CLOCK: variants seen among roughly 807,000 people sequenced by gnomAD.
The protein encoded by CLOCK is clock circadian regulator.
Under a neutral mutation model 118.4 loss-of-function variants are expected in CLOCK, and 43 were observed. The observed-to-expected ratio is 0.36, with a 90% CI of 0.28 to 0.47. CLOCK has a LOEUF of 0.47. CLOCK is among the 20% of genes least tolerant of loss of function. The probability of loss-of-function intolerance (pLI) is 1.00; values close to 1 mark genes in which losing one functional copy is unlikely to be tolerated. For synonymous variants in CLOCK, 326 were observed against 339.2 expected (o/e 0.96, Z 0.43); for missense variants, 846 against 999.9 (o/e 0.85, Z 2.08).
intron 1 of CLOCK, among the ~76,000 whole-genome samples, chr4:55,543,951 T>C (rs1731445688): frequency 6.6e-6 from 1 of 152,110 alleles, no homozygotes; most frequent in Non-Finnish European, 1.5e-5. Context: ...ATACTGGTAA[T>C]ATTACAAAAA....
intron 3 of CLOCK, among the ~76,000 whole-genome samples, chr4:55,488,759 A>G (rs192086458): frequency 9.3e-4 from 141 of 152,282 alleles, no homozygotes; most frequent in African/African-American, 3.2e-3. Flanking sequence ...CACGTAAGAC[A>G]AGGTCTCACT....
At chr4:55,488,882 G>T (rs1160076447) in intron 3 of CLOCK, among the ~76,000 whole-genome samples, 1 of 152,024 alleles carries the variant, frequency 6.6e-6, no homozygotes, top group East Asian at 1.9e-4. Context: ...ACAGGCATAC[G>T]TCATCATGCC....
intron 15 of CLOCK, among the ~76,000 whole-genome samples, chr4:55,451,924 A>G (rs1305907316): frequency 5.3e-5 from 8 of 152,220 alleles, no homozygotes; most frequent in Admixed American, 3.3e-4. Flanking sequence ...AAGGTACTTT[A>G]TAACATTTGT....
intron 1 of CLOCK, among the ~76,000 whole-genome samples, chr4:55,511,008 A>G (rs1480804009): frequency 6.6e-6 from 1 of 152,190 alleles, no homozygotes; most frequent in Non-Finnish European, 1.5e-5. Context: ...CAGGAAACTA[A>G]AAGTTCCTAG....
intron 3 of CLOCK, among the ~76,000 whole-genome samples, chr4:55,485,934 C>A (rs1483896523): frequency 6.6e-6 from 1 of 152,108 alleles, no homozygotes; most frequent in East Asian, 1.9e-4. Context: ...AGTTCCCCAA[C>A]TATAAAGGAT....
chr4:55,525,888 AAAT>A (rs955058492), intron 1 of CLOCK, among the ~76,000 whole-genome samples: 1 of 147,026 alleles, frequency 6.8e-6, no homozygotes. Flanking sequence ...AAAAAAAAAA[AAAT>A]TCCAGTGTGT....
chr4:55,435,513 G>C lies in CLOCK; in HGVS notation c.2443C>G (p.Gln815Glu). The C allele has an allele frequency of 6.2e-7, 1 of 1,614,098 alleles. No individual in the cohort carries two copies. The highest frequency in any genetic ancestry group is 8.5e-7 in the Non-Finnish European group (1 of 1,179,952). The change falls in exon 23 of 23, where the codon CAG becomes GAG. Residue 815 changes from glutamine to glutamate, a missense_variant. Transcript: ENST00000513440. ...AFPLQQSTFP[Q>E]SHHQQHQSQQ... ...GACTGATGTTGCTGGTGATGTGACT[G>C]AGGGAAGGTGCTCTGTTGTAGAGGA...
In CLOCK at chr4:55,443,774, G is replaced by A; in HGVS notation, c.1815C>T (p.Asn605=). Residue 605 remains asparagine (N), a synonymous_variant, in exon 20 of 23, where the codon AAC becomes AAT. Coordinates refer to ENST00000513440, the MANE Select transcript of CLOCK (RefSeq NM_004898.4). ...INMQGQVVPT[N]QIQSGMNTGH... ...CAGTATTCATTCCACTTTGAATCTG[G>A]TTAGTAGGAACAACTTGGCCTTGCA... The A allele has an allele frequency of 6.2e-7, 1 of 1,614,090 alleles. No homozygotes were observed. Among genetic ancestry groups the A allele is most frequent in the Non-Finnish European group, 8.5e-7 (1 of 1,179,974 alleles).
At position 55,510,056 on chromosome 4, in the gene CLOCK, A is replaced by G. The variant is rs1283950950; in HGVS notation, c.-280T>C. On this transcript the variant is annotated 5_prime_UTR_variant, in exon 2 of 23. Transcript: ENST00000513440. ...GAGCTCCAGCAGCTTTGCAGGAACA[A>G]GTAAAAATTCTGCAAAGAAACAGTA... 1.3e-5 allele frequency: 2 copies of G among 152,250 alleles called. No individual in the cohort carries two copies. The highest frequency in any genetic ancestry group is 2.9e-5 in the Non-Finnish European group (2 of 68,042). The allele number at this position is 152,250 out of a possible 1,614,324, so 9.4% of individuals were successfully genotyped here. A position where few individuals can be genotyped will look rare whatever the true frequency, so the allele number is the denominator to read the frequency against.
At chr4:55,438,677 T>C in intron 21 of CLOCK, 140 bp from the exon 22 acceptor site, 1 of 1,282,668 alleles carries the variant, frequency 7.8e-7, no homozygotes, top group Non-Finnish European at 1.1e-6. Flanking sequence ...ATTCCTACTT[T>C]GTTTCATTTT....
Position 55,434,972 on chromosome 4 carries a change from G to A in CLOCK, c.*443C>T, listed in dbSNP as rs1266668781. On this transcript the variant is annotated 3_prime_UTR_variant, in exon 23 of 23. Coordinates refer to ENST00000513440, the MANE Select transcript of CLOCK (RefSeq NM_004898.4). ...GGTTGGGGGAGGGGGTCGCTACCAA[G>A]TCTACTGGACTGTCTTCATGGCATC... 5.4e-6 allele frequency: 1 copy of A among 186,422 alleles called. No homozygotes were observed. Among genetic ancestry groups the A allele is most frequent in the African/African-American group, 2.4e-5 (1 of 42,536 alleles). The allele number at this position is 186,422 out of a possible 1,614,324, so 11.5% of individuals were successfully genotyped here. A position where few individuals can be genotyped will look rare whatever the true frequency, so the allele number is the denominator to read the frequency against.
At chr4:55,448,666 T>A in intron 18 of CLOCK, 113 bp downstream of exon 18, 1 of 649,148 alleles carries the variant, frequency 1.5e-6, no homozygotes, top group East Asian at 3.3e-5. Flanking sequence ...GCCTCCCAAG[T>A]AGCTGTGGCT....
At chr4:55,468,915 A>G (rs1057070119) in intron 8 of CLOCK, among the ~76,000 whole-genome samples, 6 of 152,134 alleles carry the variant, frequency 3.9e-5, no homozygotes, top group African/African-American at 1.4e-4. Context: ...TAGTGATGTC[A>G]TATCTGTTGT....
intron 2 of CLOCK, among the ~76,000 whole-genome samples, chr4:55,504,103 T>G (rs980657474): frequency 2.0e-5 from 3 of 147,652 alleles, no homozygotes; most frequent in Non-Finnish European, 4.5e-5. Flanking sequence ...GCTAACACAG[T>G]GAAACCCTGT....
At chr4:55,506,422 TA>T (rs975503089) in intron 2 of CLOCK, among the ~76,000 whole-genome samples, 6 of 151,632 alleles carry the variant, frequency 4.0e-5, no homozygotes, top group Non-Finnish European at 7.4e-5. Flanking sequence ...GTGGAATTCT[TA>T]AAAAAAACCA....
chr4:55,441,369 CCCA>C (rs1287159516), intron 21 of CLOCK, among the ~76,000 whole-genome samples: 3 of 152,146 alleles, frequency 2.0e-5, no homozygotes, highest in Non-Finnish European at 4.4e-5. Context: ...ATCCAGCAAT[CCCA>C]CTACTGGGTA....
chr4:55,528,745 G>T (rs1190273485), intron 1 of CLOCK, among the ~76,000 whole-genome samples: 1 of 152,152 alleles, frequency 6.6e-6, no homozygotes, highest in Non-Finnish European at 1.5e-5. Flanking sequence ...CTAAGCAAGG[G>T]CCAGTGTCAC....
chr4:55,546,144 G>T (rs1375499497), intron 1 of CLOCK, among the ~76,000 whole-genome samples: 1 of 152,184 alleles, frequency 6.6e-6, no homozygotes, highest in Non-Finnish European at 1.5e-5. Context: ...GGAATAAAGT[G>T]GGTCACAAGG....
intron 1 of CLOCK, among the ~76,000 whole-genome samples, chr4:55,515,964 C>A (rs1331315810): frequency 6.6e-6 from 1 of 152,076 alleles, no homozygotes; most frequent in Non-Finnish European, 1.5e-5. Flanking sequence ...TAATAGATTT[C>A]TTGAGAATCT....
Sources: gnomAD v4.1 joint callset for allele counts (sites outside exome capture counted in the v4.1 genomes callset) on GRCh38, gnomAD v4.1.1 for gene constraint, MANE v1.5 for transcripts, NCBI Gene and HGNC (gene_info 2026-07-23, HGNC 2026-07-21) for gene names.